Variants in PCDHA4 observed in about 807,000 individuals in gnomAD.
PCDHA4 encodes protocadherin alpha 4, also known as protocadherin alpha-4.
Under a neutral mutation model 61.4 loss-of-function variants are expected in PCDHA4, and 49 were observed. The observed-to-expected ratio is 0.80, with a 90% CI of 0.63 to 1.01. The LOEUF (loss-of-function observed/expected upper bound fraction) is 1.01. Among genes scored for constraint, PCDHA4 ranks in the 50% least tolerant of loss-of-function variants. The pLI is 0.00. For synonymous variants in PCDHA4, 590 were observed against 550.3 expected (o/e 1.07, Z -1.01); for missense variants, 1,254 against 1,235.8 (o/e 1.01, Z -0.22).
intron 3 of PCDHA4, among the ~76,000 whole-genome samples, chr5:141,007,395 C>CAAAAAAAAAAAAAAAAAA (rs35800918): frequency 1.1e-5 from 1 of 94,866 alleles, no homozygotes; most frequent in African/African-American, 4.3e-5. Context: ...TACTAAAATA[C>CAAAAAAAAAAAAAAAAAA]AAAAAAAAAA....
intron 1 of PCDHA4, chr5:140,830,456 C>G: frequency 1.3e-6 from 2 of 1,594,032 alleles, no homozygotes; most frequent in Non-Finnish European, 1.7e-6. Flanking sequence ...GGCGGAGAAT[C>G]AGGATTTAAA....
At chr5:140,987,893 G>A (rs571929057) in intron 3 of PCDHA4, among the ~76,000 whole-genome samples, 82 of 152,138 alleles carry the variant, frequency 5.4e-4, no homozygotes, top group Admixed American at 1.5e-3. Context: ...ATGTGCCCTA[G>A]TTTTATATGG....
intron 1 of PCDHA4, among the ~76,000 whole-genome samples, chr5:140,903,704 A>G (rs2070513598): frequency 6.6e-6 from 1 of 152,234 alleles, no homozygotes; most frequent in Admixed American, 6.5e-5. Context: ...AAATAGTAAT[A>G]AAATATACAA....
At chr5:140,823,973 G>A in intron 1 of PCDHA4, 1 of 1,614,090 alleles carries the variant, frequency 6.2e-7, no homozygotes, top group South Asian at 1.1e-5. Context: ...GTGTGCACAC[G>A]GGGCAAGCCC....
chr5:140,846,892 T>G (rs910093785), intron 1 of PCDHA4, among the ~76,000 whole-genome samples: 1 of 149,538 alleles, frequency 6.7e-6, no homozygotes, highest in Non-Finnish European at 1.5e-5. Flanking sequence ...AGAATGACGT[T>G]GAAGTTGAAA....
In PCDHA4 at chr5:140,985,961, A is replaced by G. The variant is rs529433053; in HGVS notation, c.2533+3398A>G. ...TCACTGTGTTAGCCAGGATGGTCTCAATCTCCTGACCTCGTGATCCGCCCA... is the reference window on the plus strand; with the variant it reads ...TCACTGTGTTAGCCAGGATGGTCTCGATCTCCTGACCTCGTGATCCGCCCA... On this transcript the variant is annotated intron_variant, in intron 3 of 3. Transcript: ENST00000530339. 9.3e-3 allele frequency among the ~76,000 whole-genome samples: 1,411 copies of G among 151,982 alleles called. 12 individuals carry two copies. Among genetic ancestry groups the G allele is most frequent in the Non-Finnish European group, 0.015 (1,024 of 67,944 alleles).
Position 140,871,457 on chromosome 5 carries a change from G to A in PCDHA4, c.2385+61885G>A, listed in dbSNP as rs1562665046. 8.1e-6 allele frequency: 13 copies of A among 1,605,570 alleles called. No individual in the cohort carries two copies. The highest frequency in any genetic ancestry group is 1.1e-5 in the Non-Finnish European group (13 of 1,175,480). The stretch of plus-strand genomic sequence containing the variant: ...CTAGGTCTGAATAAAGAGGAGGAAG[G>A]GGAAAGACAGGAGCCAGGGTCAAAT... On this transcript the variant is annotated intron_variant, in intron 1 of 3. Transcript: ENST00000530339.
chr5:140,892,246 G>T lies in PCDHA4; in HGVS notation c.2385+82674G>T, dbSNP rs895446433. Among the ~76,000 whole-genome samples the T allele has an allele frequency of 5.9e-5, 9 of 152,166 alleles. No individual in the cohort carries two copies. In the East Asian group the frequency reaches 1.7e-3, roughly 29 times the overall value. Reference sequence around the variant, plus strand: ...GGTGTTTTGTCTCCACATAAACCTGGTTATCTTTGATTTTGTGCTGAAAGT... The same window carrying T: ...GGTGTTTTGTCTCCACATAAACCTGTTTATCTTTGATTTTGTGCTGAAAGT... On this transcript the variant is annotated intron_variant, in intron 1 of 3. Coordinates refer to ENST00000530339, the MANE Select transcript of PCDHA4 (RefSeq NM_018907.4).
intron 1 of PCDHA4, chr5:140,871,242 G>T: frequency 6.2e-7 from 1 of 1,613,980 alleles, no homozygotes; most frequent in South Asian, 1.1e-5. Flanking sequence ...TGGTACTCAC[G>T]CTGCTGCTGT....
rs1475862780 is a variant in PCDHA4 at position 140,982,724 on chromosome 5, G to T, written c.2533+161G>T. On this transcript the variant is annotated intron_variant, in intron 3 of 3. Transcript: ENST00000530339. Reference sequence around the variant, plus strand: ...ATTTCCTTACATATATGATTATTTTGATTTTATACCTAATGCTCTTCAGGA... The same window carrying T: ...ATTTCCTTACATATATGATTATTTTTATTTTATACCTAATGCTCTTCAGGA... 5.5e-6 allele frequency: 5 copies of T among 906,286 alleles called. No homozygotes were observed. The African/African-American group carries it at 9.0e-5, about 16-fold the overall frequency. The allele number at this position is 906,286 out of a possible 1,614,324, so 56.1% of individuals were successfully genotyped here.
chr5:140,927,536 G>A (rs1227240979), intron 1 of PCDHA4: 3 of 1,614,138 alleles, frequency 1.9e-6, no homozygotes, highest in Non-Finnish European at 2.5e-6. Context: ...GCCCGCTCAG[G>A]AGACGCACAA....
chr5:140,869,430 C>G (rs73793507), intron 1 of PCDHA4: 1 of 1,614,036 alleles, frequency 6.2e-7, no homozygotes, highest in African/African-American at 1.3e-5. Context: ...TGGAGGTGAT[C>G]GTGGACAGGC....
chr5:140,955,846 T>G (rs1256650141), intron 1 of PCDHA4, among the ~76,000 whole-genome samples: 1 of 152,218 alleles, frequency 6.6e-6, no homozygotes, highest in African/African-American at 2.4e-5. Context: ...GTCATTCTCC[T>G]TGAAGAGGTC....
rs2150111522 is a variant in PCDHA4 at position 140,821,876 on chromosome 5, T to A, written c.2385+12304T>A. 2.5e-6 allele frequency: 4 copies of A among 1,614,184 alleles called. No homozygotes were observed. In the African/African-American group the frequency reaches 5.3e-5, roughly 22 times the overall value. Reference sequence around the variant, plus strand: ...GGGAGCGGCCAGCTCCACTACTCGATCCCGGAGGAAGCCAAACACGGAACC... The same window carrying A: ...GGGAGCGGCCAGCTCCACTACTCGAACCCGGAGGAAGCCAAACACGGAACC... On this transcript the variant is annotated intron_variant, in intron 1 of 3. Transcript: ENST00000530339.
chr5:141,010,089 G>T lies in PCDHA4; in HGVS notation c.*152G>T. On this transcript the variant is annotated 3_prime_UTR_variant, in exon 4 of 4. Coordinates refer to ENST00000530339, the MANE Select transcript of PCDHA4 (RefSeq NM_018907.4). The stretch of plus-strand genomic sequence containing the variant: ...AAAGTTCCCTGTGTCTGTCTAGAAC[G>T]CATTTAACAGGTTTTGTCGTAAAAG... 2 of 1,612,296 alleles carry T rather than the reference G, an allele frequency of 1.2e-6. No individual in the cohort carries two copies. Among genetic ancestry groups the T allele is most frequent in the East Asian group, 2.2e-5 (1 of 44,872 alleles).
rs781820550 is a variant in PCDHA4, at chr5:140,869,927, G to A, written c.2385+60355G>A. 14 of 1,611,538 alleles carry A rather than the reference G, an allele frequency of 8.7e-6. No individual in the cohort carries two copies. The East Asian group carries it at 2.5e-4, about 28-fold the overall frequency. On this transcript the variant is annotated intron_variant, in intron 1 of 3. Coordinates refer to ENST00000530339, the MANE Select transcript of PCDHA4 (RefSeq NM_018907.4). ...ACAGACCGAGACGAAGGAGTCAATG[G>A]AGAGGTAACATACTCCTTAATGTCA...
chr5:140,972,399 T>C (rs1554234105), intron 1 of PCDHA4, among the ~76,000 whole-genome samples: 2 of 152,062 alleles, frequency 1.3e-5, no homozygotes, highest in South Asian at 2.1e-4. Context: ...TGCTTCACTA[T>C]TGGCAAACCC....
intron 1 of PCDHA4, chr5:140,926,299 C>G (rs547710989): frequency 3.9e-5 from 6 of 152,464 alleles, no homozygotes; most frequent in Admixed American, 3.9e-4. Context: ...GAGTCCCGCC[C>G]TCTCCGCCGG....
At position 140,808,975 on chromosome 5, in the gene PCDHA4, G is replaced by T; in HGVS notation, c.1788G>T (p.Ala596=). ...GVGHVVAKVR[A]VDADSGYNAW... The stretch of plus-strand genomic sequence containing the variant: ...GCCACGTGGTGGCAAAGGTGCGCGC[G>T]GTGGATGCTGACTCGGGCTACAACG... Residue 596 remains alanine (A), a synonymous_variant, in exon 1 of 4, where the codon GCG becomes GCT. Coordinates refer to ENST00000530339, the MANE Select transcript of PCDHA4 (RefSeq NM_018907.4). 2.5e-6 allele frequency: 4 copies of T among 1,613,626 alleles called. No homozygotes were observed. The highest frequency in any genetic ancestry group is 3.4e-6 in the Non-Finnish European group (4 of 1,179,716).
Sources: allele counts gnomAD v4.1 joint callset (sites outside exome capture counted in the v4.1 genomes callset), GRCh38; gene constraint gnomAD v4.1.1; transcripts MANE v1.5; gene names NCBI Gene and HGNC (gene_info 2026-07-23, HGNC 2026-07-21).